Variants in CYRIB observed in about 807,000 individuals in gnomAD.
The protein encoded by CYRIB is CYFIP-related Rac1 interactor B.
A neutral mutation model predicts 44.2 loss-of-function variants in CYRIB; 8 were observed. That is an observed-to-expected ratio of 0.18 (90% CI 0.11 to 0.33). CYRIB has a LOEUF of 0.33. CYRIB is among the 10% of genes least tolerant of loss of function. The pLI is 1.00. For missense variants in CYRIB, 185 were observed against 382.8 expected (o/e 0.48, Z 4.31); for synonymous variants, 131 against 127.2 (o/e 1.03, Z -0.20).
chr8:129,919,174 T>C (rs1039935325), intron 1 of CYRIB, among the ~76,000 whole-genome samples: 1 of 152,272 alleles, frequency 6.6e-6, no homozygotes, highest in East Asian at 1.9e-4. Context: ...AGCCTACAGA[T>C]AGATATAGTT....
chr8:130,006,653 T>C (rs373105348), intron 1 of CYRIB, among the ~76,000 whole-genome samples: 1,671 of 45,528 alleles, frequency 0.037, 15 homozygotes, highest in Non-Finnish European at 0.061. Flanking sequence ...TATATATACA[T>C]ATATATATGT....
intron 1 of CYRIB, among the ~76,000 whole-genome samples, chr8:130,006,924 G>A (rs1228814550): frequency 6.6e-6 from 1 of 151,794 alleles, no homozygotes; most frequent in Non-Finnish European, 1.5e-5. Flanking sequence ...CAATCCCCCA[G>A]AGTGTATGGT....
intron 1 of CYRIB, among the ~76,000 whole-genome samples, chr8:129,981,314 T>C (rs1378596257): frequency 1.3e-5 from 2 of 152,026 alleles, no homozygotes; most frequent in Non-Finnish European, 2.9e-5. Flanking sequence ...TAATTTTTGT[T>C]TGTTGGTTGG....
intron 1 of CYRIB, among the ~76,000 whole-genome samples, chr8:129,916,851 C>T (rs11779059): frequency 0.059 from 8,966 of 152,292 alleles, 350 homozygotes; most frequent in Middle Eastern, 0.092. Flanking sequence ...AGGGAAACAG[C>T]ATAGCATATA....
chr8:129,881,826 AT>A (rs2060909933), intron 2 of CYRIB, among the ~76,000 whole-genome samples: 2 of 152,212 alleles, frequency 1.3e-5, no homozygotes, highest in Non-Finnish European at 2.9e-5. Flanking sequence ...AATATTTAAT[AT>A]TTTGACTTAA....
chr8:129,980,899 G>A lies in CYRIB; in HGVS notation c.-295-9904C>T, dbSNP rs530361181. Among the ~76,000 whole-genome samples the A allele has an allele frequency of 8.6e-5, 13 of 151,452 alleles. 1 individual carries two copies. The highest frequency in any genetic ancestry group is 2.4e-4 in the African/African-American group (10 of 41,274). ...CTCGGGAGGCTGAGGTGGGAGGATC[G>A]CTTCAGCCTGAGGGGTGGAGGCTGC... On this transcript the variant is annotated intron_variant, in intron 1 of 14. Transcript: ENST00000401979.
intron 2 of CYRIB, among the ~76,000 whole-genome samples, chr8:129,958,677 G>T (rs991278933): frequency 1.3e-4 from 19 of 151,718 alleles, no homozygotes; most frequent in Non-Finnish European, 2.4e-4. Flanking sequence ...AGTTGACAAT[G>T]GTTCTGCTTT....
chr8:129,948,385 G>A (rs2094303405), intron 2 of CYRIB, among the ~76,000 whole-genome samples: 1 of 152,086 alleles, frequency 6.6e-6, no homozygotes, highest in African/African-American at 2.4e-5. Flanking sequence ...CAAGCCCATG[G>A]CTCCATTTAC....
intron 1 of CYRIB, among the ~76,000 whole-genome samples, chr8:129,931,101 G>A (rs1424740328): frequency 3.0e-4 from 46 of 151,784 alleles, no homozygotes; most frequent in African/African-American, 1.5e-4. Context: ...AACTGGAAGG[G>A]AGGATAATTT....
chr8:130,007,510 C>T lies in CYRIB; in HGVS notation c.-296+8860G>A, dbSNP rs981919923. ...ATTCAAAGTATATGACATGGCTGGG[C>T]GCAGTGGCTCACGCCTGTAATCCCA... is the stretch of plus-strand genomic sequence containing the variant. On this transcript the variant is annotated intron_variant, in intron 1 of 14. Coordinates refer to the CYRIB transcript ENST00000401979. 1.6e-4 allele frequency among the ~76,000 whole-genome samples: 24 copies of T among 152,296 alleles called. 1 individual carries two copies. The highest frequency in any genetic ancestry group is 1.2e-3 in the Admixed American group (19 of 15,304).
chr8:129,923,239 T>TATCTCAAAAAAAAG (rs140530379), intron 1 of CYRIB, among the ~76,000 whole-genome samples: 6 of 150,534 alleles, frequency 4.0e-5, no homozygotes, highest in Admixed American at 6.6e-5. Flanking sequence ...GCAAAACTCT[T>TATCTCAAAAAAAAG]AAAAAGAAAA....
intron 1 of CYRIB, among the ~76,000 whole-genome samples, chr8:130,016,151 G>C (rs1259392532): frequency 6.8e-6 from 1 of 147,102 alleles, no homozygotes; most frequent in Non-Finnish European, 1.5e-5. Flanking sequence ...GCCTCCCCCG[G>C]GACCCCCGCG....
At chr8:129,897,300 G>A (rs1311870487) in intron 2 of CYRIB, among the ~76,000 whole-genome samples, 2 of 152,088 alleles carry the variant, frequency 1.3e-5, no homozygotes, top group African/African-American at 4.8e-5. Flanking sequence ...AAAATTTGTA[G>A]AAACTTAAGA....
At chr8:129,908,136 TCTTA>T (rs1289816587) in intron 1 of CYRIB, among the ~76,000 whole-genome samples, 2 of 152,086 alleles carry the variant, frequency 1.3e-5, no homozygotes, top group Non-Finnish European at 2.9e-5. Flanking sequence ...GAACAAAGAA[TCTTA>T]CTTATCTTTG....
chr8:129,974,497 A>G (rs936124916), intron 1 of CYRIB, among the ~76,000 whole-genome samples: 2 of 152,112 alleles, frequency 1.3e-5, no homozygotes, highest in Non-Finnish European at 2.9e-5. Context: ...TCTATTTACA[A>G]AGGTGACCAG....
intron 1 of CYRIB, among the ~76,000 whole-genome samples, chr8:129,931,758 C>A (rs2091459206): frequency 6.6e-6 from 1 of 151,964 alleles, no homozygotes; most frequent in African/African-American, 2.4e-5. Flanking sequence ...TCCCAAGTAG[C>A]TGGGATTACA....
intron 2 of CYRIB, among the ~76,000 whole-genome samples, chr8:129,888,766 A>G (rs1449951260): frequency 1.3e-5 from 2 of 152,188 alleles, no homozygotes; most frequent in African/African-American, 4.8e-5. Flanking sequence ...TGTAGTTGGT[A>G]TTCATTAAGT....
intron 2 of CYRIB, among the ~76,000 whole-genome samples, chr8:129,897,588 C>T (rs991887912): frequency 1.3e-5 from 2 of 149,356 alleles, no homozygotes; most frequent in African/African-American, 5.0e-5. Flanking sequence ...CATCTCCTAT[C>T]TAGTAATGCC....
chr8:129,844,822 C>T (rs540251513), intron 11 of CYRIB, among the ~76,000 whole-genome samples: 1 of 152,282 alleles, frequency 6.6e-6, no homozygotes, highest in South Asian at 2.1e-4. Context: ...CATGTGCTCT[C>T]AGTAAAACAT....
Sources: gnomAD v4.1 joint callset for allele counts (sites outside exome capture counted in the v4.1 genomes callset) on GRCh38, gnomAD v4.1.1 for gene constraint, MANE v1.5 for transcripts, NCBI Gene and HGNC (gene_info 2026-07-23, HGNC 2026-07-21) for gene names.